Variants in INTS7 observed in about 807,000 individuals in gnomAD.
INTS7 encodes the protein chromosome 1 open reading frame 73.
Under a neutral mutation model 109.2 loss-of-function variants are expected in INTS7, and 46 were observed. That is an observed-to-expected ratio of 0.42 (90% CI 0.33 to 0.54). INTS7 has a LOEUF of 0.54. Ranked by LOEUF, INTS7 falls within the 20% of genes least tolerant of loss-of-function variation. The probability of loss-of-function intolerance (pLI) is 0.07; values close to 1 mark genes in which losing one functional copy is unlikely to be tolerated. For missense variants in INTS7, 929 were observed against 1,132.4 expected, an observed-to-expected ratio of 0.82 and a Z score of 2.58; for synonymous variants, 412 against 402.9, an observed-to-expected ratio of 1.02 and a Z score of -0.27.
rs762040764 is a variant in INTS7, at chr1:211,978,472, G to A, written c.1270C>T (p.Pro424Ser). The A allele has an allele frequency of 2.5e-6, 4 of 1,614,174 alleles. No homozygotes were observed. The highest frequency in any genetic ancestry group is 2.2e-5 in the East Asian group (1 of 44,880). ...TCAACTACTGACTGGCTAAGATGGGGCCTGCCCTTGGCCAACTTCACCATA... is the reference window on the plus strand; with the variant it reads ...TCAACTACTGACTGGCTAAGATGGGACCTGCCCTTGGCCAACTTCACCATA... ...NCMVKLAKGR[P>S]HLSQSVVETL... The change falls in exon 11 of 20, where the codon CCC (proline) becomes TCC (serine). Residue 424 changes from proline (P) to serine (S), a missense_variant. Transcript: ENST00000366994.
intron 16 of INTS7, 34 bp from the exon 17 acceptor site, chr1:211,952,735 A>G (rs202008329): frequency 6.7e-5 from 107 of 1,585,494 alleles, no homozygotes; most frequent in Non-Finnish European, 8.7e-5. Flanking sequence ...TAATCCATCA[A>G]AATAGCATGG....
At chr1:212,002,629 T>C (rs1571894400) in intron 7 of INTS7, among the ~76,000 whole-genome samples, 1 of 152,222 alleles carries the variant, frequency 6.6e-6, no homozygotes, top group East Asian at 1.9e-4. Context: ...GCCCACAAAA[T>C]TGACATTCCC....
Position 211,994,797 on chromosome 1 carries a change from A to G in INTS7, c.880-6794T>C, listed in dbSNP as rs147717958. Among the ~76,000 whole-genome samples, 58 of 151,988 alleles carry G rather than the reference A, an allele frequency of 3.8e-4. 1 individual carries two copies. In the East Asian group the frequency reaches 0.01, roughly 27 times the overall value. ...AGTATGTTCAATTAAAAAAAAAACA[A>G]AACAAAACACAAAAATCCATAAGAA... On this transcript the variant is annotated intron_variant, in intron 7 of 19. Transcript: ENST00000366994.
chr1:211,952,452 T>C, intron 17 of INTS7, 117 bp downstream of exon 17: 1 of 1,020,856 alleles, frequency 9.8e-7, no homozygotes, highest in Admixed American at 2.2e-5. Flanking sequence ...CCCTGTTTTA[T>C]GGATAAGGAA....
chr1:211,983,597 A>G (rs1338362696), intron 8 of INTS7, among the ~76,000 whole-genome samples: 2 of 152,174 alleles, frequency 1.3e-5, no homozygotes, highest in Non-Finnish European at 2.9e-5. Flanking sequence ...CAACTACTTA[A>G]AAGAGTCTCC....
chr1:212,034,058 G>C (rs1430727027), intron 1 of INTS7, among the ~76,000 whole-genome samples: 1 of 152,032 alleles, frequency 6.6e-6, no homozygotes, highest in Non-Finnish European at 1.5e-5. Flanking sequence ...ACTCTAGCCT[G>C]GGCAACAGAG....
intron 8 of INTS7, among the ~76,000 whole-genome samples, chr1:211,986,546 G>T (rs1381082807): frequency 2.0e-5 from 3 of 152,142 alleles, no homozygotes; most frequent in African/African-American, 7.2e-5. Context: ...ACCATGCATG[G>T]AATTAGTCCA....
intron 5 of INTS7, among the ~76,000 whole-genome samples, chr1:212,009,285 A>G (rs72750305): frequency 9.2e-4 from 140 of 152,314 alleles, no homozygotes; most frequent in Non-Finnish European, 1.7e-3. Flanking sequence ...TAAGGTAATG[A>G]ATCTTAAGTG....
chr1:211,942,020 A>G lies in INTS7; in HGVS notation c.2693T>C (p.Ile898Thr), dbSNP rs778641788. The change falls in exon 20 of 20, where the codon ATC (isoleucine) becomes ACC (threonine). Residue 898 changes from isoleucine to threonine, a missense_variant. Physicochemically the swap from Ile to Thr is moderately conservative, Grantham distance 89. Transcript: ENST00000366994. The surrounding 1 kb of genome is among the most constrained non-coding windows in gnomAD (Gnocchi z 4.2). ...CACTGTAATGTTGTGTGTTCCAAGGATAGCAAAGTTCAACAGAAATTGAGT... is the reference window on the plus strand; with the variant it reads ...CACTGTAATGTTGTGTGTTCCAAGGGTAGCAAAGTTCAACAGAAATTGAGT... ...FSTQFLLNFA[I>T]LGTHNITVES... 104 of 1,614,108 alleles carry G rather than the reference A, an allele frequency of 6.4e-5. No homozygotes were observed. The highest frequency in any genetic ancestry group is 8.6e-5 in the Non-Finnish European group (102 of 1,180,046).
chr1:212,035,528 T>C lies in INTS7; in HGVS notation c.-91A>G. On this transcript the variant is annotated 5_prime_UTR_variant, in exon 1 of 20. Coordinates refer to ENST00000366994, the MANE Select transcript of INTS7 (RefSeq NM_015434.4). ...TTCCCCCGCCGCCTTCTTGCTGGTT[T>C]TTCTTCCGCGCGCTGTCAAGCCCTG... The C allele has an allele frequency of 1.9e-6, 2 of 1,043,748 alleles. No individual in the cohort carries two copies. Among genetic ancestry groups the C allele is most frequent in the South Asian group, 2.6e-5 (2 of 77,468 alleles). The allele number at this position is 1,043,748 out of a possible 1,614,324, so 64.7% of individuals were successfully genotyped here.
At chr1:212,028,194 T>C (rs1043880255) in intron 1 of INTS7, among the ~76,000 whole-genome samples, 1 of 152,172 alleles carries the variant, frequency 6.6e-6, no homozygotes, top group Non-Finnish European at 1.5e-5. Context: ...CCACACTGAT[T>C]ATACTGGAGT....
chr1:211,959,944 G>A lies in INTS7; in HGVS notation c.2183+6486C>T, dbSNP rs906472893. On this transcript the variant is annotated intron_variant, in intron 16 of 19. Coordinates refer to ENST00000366994, the MANE Select transcript of INTS7 (RefSeq NM_015434.4). This position sits in a 1 kb window ranked among gnomAD's most constrained non-coding sequence, Gnocchi z 4.2. ...ATCCCAGACCTGCTAGTATCCTGCC[G>A]CGGTGGACAAGTGTGCATCCCGTTA... Among the ~76,000 whole-genome samples the A allele has an allele frequency of 5.3e-5, 8 of 151,780 alleles. No individual in the cohort carries two copies. The highest frequency in any genetic ancestry group is 1.2e-4 in the Non-Finnish European group (8 of 68,032).
At chr1:212,010,272 T>G (rs1396641350) in intron 5 of INTS7, among the ~76,000 whole-genome samples, 4 of 152,214 alleles carry the variant, frequency 2.6e-5, no homozygotes, top group African/African-American at 9.7e-5. Flanking sequence ...AGCTCCCTTT[T>G]ATGACTGCTA....
chr1:212,003,305 C>CAA (rs35903155), intron 7 of INTS7, among the ~76,000 whole-genome samples: 212 of 61,860 alleles, frequency 3.4e-3, no homozygotes, highest in Non-Finnish European at 5.4e-3. Context: ...AATTTTAAAG[C>CAA]AAAAAAAAAA....
At chr1:212,011,721 TAAC>T (rs1270387428) in intron 4 of INTS7, 4 of 278,428 alleles carry the variant, frequency 1.4e-5, no homozygotes, top group African/African-American at 6.5e-5. Flanking sequence ...TGTGTTTATA[TAAC>T]AACAGGGCCT....
rs770440947 is a variant in INTS7 at position 211,946,616 on chromosome 1, G to A, written c.2406C>T (p.Thr802=). The A allele has an allele frequency of 6.3e-7, 1 of 1,594,894 alleles. No individual in the cohort carries two copies. Among genetic ancestry groups the A allele is most frequent in the South Asian group, 1.1e-5 (1 of 90,570 alleles). ...QRYFFQKLQS[T]SIKLALSPSP... ...ATTCTTCCTGTATTACCTTGATGCT[G>A]GTAGACTGTAGTTTCTGGAAAAAAT... The change falls in exon 18 of 20, where the codon ACC becomes ACT. Residue 802 remains threonine (T), a synonymous_variant. Coordinates refer to ENST00000366994, the MANE Select transcript of INTS7 (RefSeq NM_015434.4). This position sits in a 1 kb window ranked among gnomAD's most constrained non-coding sequence, Gnocchi z 4.3.
At chr1:212,020,884 A>T in intron 2 of INTS7, 199 bp downstream of exon 2, 2 of 589,704 alleles carry the variant, frequency 3.4e-6, no homozygotes. Flanking sequence ...CAAAGAAATA[A>T]GTATCGTCTA....
At chr1:212,008,881 T>A (rs1279444719) in intron 5 of INTS7, among the ~76,000 whole-genome samples, 1 of 152,198 alleles carries the variant, frequency 6.6e-6, no homozygotes, top group Non-Finnish European at 1.5e-5. Flanking sequence ...ACCTCCGTTG[T>A]TACCATGCCG....
At chr1:212,024,886 G>A (rs1284742172) in intron 1 of INTS7, among the ~76,000 whole-genome samples, 1 of 152,174 alleles carries the variant, frequency 6.6e-6, no homozygotes, top group Non-Finnish European at 1.5e-5. Context: ...CTGTTGGTCT[G>A]ATCATCTCTC....
Sources: allele counts gnomAD v4.1 joint callset (sites outside exome capture counted in the v4.1 genomes callset), GRCh38; gene constraint gnomAD v4.1.1; non-coding constraint Gnocchi (gnomAD v3.1); transcripts MANE v1.5; gene names NCBI Gene and HGNC (gene_info 2026-07-23, HGNC 2026-07-21).